Variants in OR9Q1 observed in about 807,000 individuals in gnomAD.
OR9Q1 encodes olfactory receptor family 9 subfamily Q member 1, also known as olfactory receptor 9Q1.
For missense variants in OR9Q1, 374 were observed against 378.8 expected (o/e 0.99, Z 0.11); for synonymous variants, 153 against 148.6 (o/e 1.03, Z -0.22).
chr11:58,068,532 C>T (rs1156591131), intron 2 of OR9Q1, among the ~76,000 whole-genome samples: 1 of 152,034 alleles, frequency 6.6e-6, no homozygotes, highest in East Asian at 1.9e-4. Context: ...CCAAGTTACA[C>T]CAAAAATAGT....
chr11:58,089,333 G>A (rs1853662614), intron 2 of OR9Q1, among the ~76,000 whole-genome samples: 1 of 151,864 alleles, frequency 6.6e-6, no homozygotes, highest in Non-Finnish European at 1.5e-5. Flanking sequence ...CAAGGTGTAA[G>A]AAAGGGATCC....
At chr11:58,119,795 C>T (rs956289389) in intron 2 of OR9Q1, among the ~76,000 whole-genome samples, 5 of 151,526 alleles carry the variant, frequency 3.3e-5, no homozygotes, top group African/African-American at 7.4e-5. Flanking sequence ...ACCCACCACA[C>T]GGTCACTCAG....
intron 1 of OR9Q1, among the ~76,000 whole-genome samples, chr11:58,029,627 T>TA (rs1853009836): frequency 2.0e-5 from 3 of 152,178 alleles, no homozygotes; most frequent in Admixed American, 1.3e-4. Context: ...ATCTGTTTTT[T>TA]AAAAAATGGG....
intron 1 of OR9Q1, among the ~76,000 whole-genome samples, chr11:58,033,577 G>A (rs139062109): frequency 2.8e-4 from 42 of 152,206 alleles, no homozygotes; most frequent in African/African-American, 9.9e-4. Context: ...CATAAAGATG[G>A]GAATAAGAGA....
intron 1 of OR9Q1, among the ~76,000 whole-genome samples, chr11:58,043,436 C>T (rs1367624215): frequency 1.3e-5 from 2 of 152,178 alleles, no homozygotes; most frequent in East Asian, 1.9e-4. Context: ...CTGAAATACA[C>T]ATTGCTTTTA....
chr11:58,093,601 A>G (rs970034925), intron 2 of OR9Q1, among the ~76,000 whole-genome samples: 1 of 151,970 alleles, frequency 6.6e-6, no homozygotes, highest in East Asian at 1.9e-4. Flanking sequence ...TCTACTTAAA[A>G]TACAAAAAAT....
At chr11:58,111,488 C>A (rs575136379) in intron 2 of OR9Q1, among the ~76,000 whole-genome samples, 2 of 152,142 alleles carry the variant, frequency 1.3e-5, no homozygotes, top group African/African-American at 4.8e-5. Context: ...GGAGGTCCAT[C>A]GCCTTTAGTT....
intron 2 of OR9Q1, among the ~76,000 whole-genome samples, chr11:58,072,027 G>A (rs901283693): frequency 6.6e-6 from 1 of 152,116 alleles, no homozygotes; most frequent in Non-Finnish European, 1.5e-5. Context: ...GTTTACCTAT[G>A]TAACAAAACT....
chr11:58,119,604 C>T (rs553717479), intron 2 of OR9Q1: 1 of 589,288 alleles, frequency 1.7e-6, no homozygotes, highest in East Asian at 2.8e-5. Flanking sequence ...GCTGATTTTC[C>T]TTGGGCATCT....
At chr11:58,098,266 A>G (rs1440299435) in intron 2 of OR9Q1, among the ~76,000 whole-genome samples, 4 of 152,084 alleles carry the variant, frequency 2.6e-5, no homozygotes, top group Non-Finnish European at 5.9e-5. Flanking sequence ...CTTTAACAGG[A>G]TATATGACTC....
At chr11:58,074,748 T>C (rs1853522972) in intron 2 of OR9Q1, among the ~76,000 whole-genome samples, 1 of 152,220 alleles carries the variant, frequency 6.6e-6, no homozygotes, top group South Asian at 2.1e-4. Flanking sequence ...AGGTTTTGCA[T>C]TGAAGTCTTT....
At chr11:58,067,129 T>C (rs1427909201) in intron 2 of OR9Q1, among the ~76,000 whole-genome samples, 2 of 152,016 alleles carry the variant, frequency 1.3e-5, no homozygotes, top group African/African-American at 4.8e-5. Flanking sequence ...TCTCCCGGGT[T>C]CACGCCATTC....
chr11:58,111,972 T>G (rs1451325), intron 2 of OR9Q1, among the ~76,000 whole-genome samples: 150,712 of 152,182 alleles, frequency 0.99, 74,644 homozygotes, highest in East Asian at 1. Context: ...TGTTTCTGCT[T>G]TGTCTGTCTC....
chr11:58,060,293 G>A (rs1276318750), intron 2 of OR9Q1, among the ~76,000 whole-genome samples: 1 of 152,218 alleles, frequency 6.6e-6, no homozygotes, highest in African/African-American at 2.4e-5. Context: ...TGGGGCAGCT[G>A]AGTAAAGATT....
rs982569084 is a variant in OR9Q1, at chr11:58,175,989, T to C, written c.-14-3442T>C. Among the ~76,000 whole-genome samples the C allele has an allele frequency of 3.9e-5, 6 of 152,162 alleles. No individual in the cohort carries two copies. In the East Asian group the frequency reaches 1.2e-3, roughly 29 times the overall value. On this transcript the variant is annotated intron_variant, in intron 2 of 2. Coordinates refer to ENST00000335397, the MANE Select transcript of OR9Q1 (RefSeq NM_001005212.4). ...ACATCCCAGGCTTTTGTTTTCTCCA[T>C]GTGTTCATTTGCATTTAAAGAAAAA... is the stretch of plus-strand genomic sequence containing the variant.
intron 1 of OR9Q1, chr11:58,031,891 T>C: frequency 1.2e-6 from 2 of 1,611,020 alleles, no homozygotes; most frequent in Non-Finnish European, 8.5e-7. Flanking sequence ...CTCTCAACTT[T>C]TGGAAGGGAC....
At chr11:58,090,820 A>T (rs1297748234) in intron 2 of OR9Q1, among the ~76,000 whole-genome samples, 2 of 152,036 alleles carry the variant, frequency 1.3e-5, no homozygotes, top group Non-Finnish European at 2.9e-5. Flanking sequence ...GAATTTCAGA[A>T]CTTGTTATTG....
chr11:58,026,511 G>A lies in OR9Q1; in HGVS notation c.-93+2407G>A, dbSNP rs1465637550. ...AGCCTGGCCAATATGGTGAAACCGT[G>A]TCTCTATTAAAAATACAAAAATTAG... On this transcript the variant is annotated intron_variant, in intron 1 of 2. Coordinates refer to ENST00000335397, the MANE Select transcript of OR9Q1 (RefSeq NM_001005212.4). Among the ~76,000 whole-genome samples, 4 of 151,880 alleles carry A rather than the reference G, an allele frequency of 2.6e-5. No individual in the cohort carries two copies. In the East Asian group the frequency reaches 7.8e-4, roughly 29 times the overall value.
At position 58,079,318 on chromosome 11, in the gene OR9Q1, C is replaced by T. The variant is rs144135986; in HGVS notation, c.-15+23371C>T. 3.9e-5 allele frequency among the ~76,000 whole-genome samples: 6 copies of T among 151,982 alleles called. No individual in the cohort carries two copies. The East Asian group carries it at 1.2e-3, about 29-fold the overall frequency. On this transcript the variant is annotated intron_variant, in intron 2 of 2. Transcript: ENST00000335397. ...CTTTGCAAAAAGATTCCTTGGGCTC[C>T]TGAAGGAGTTATGGAATGGCTTGAG... is the stretch of plus-strand genomic sequence containing the variant.
Sources: allele counts gnomAD v4.1 joint callset (sites outside exome capture counted in the v4.1 genomes callset), GRCh38; gene constraint gnomAD v4.1.1; transcripts MANE v1.5; gene names NCBI Gene and HGNC (gene_info 2026-07-23, HGNC 2026-07-21).